MACROD2: variants seen among roughly 807,000 people sequenced by gnomAD.
MACROD2 encodes ADP-ribose glycohydrolase MACROD2.
In MACROD2, 36 loss-of-function variants were observed where a neutral mutation model predicts 70.4. The observed-to-expected ratio is 0.51, with a 90% CI of 0.39 to 0.68. MACROD2 has a LOEUF of 0.68. MACROD2 is among the 30% of genes least tolerant of loss of function. The probability of loss-of-function intolerance (pLI) is 0.00; values close to 1 mark genes in which losing one functional copy is unlikely to be tolerated. For missense variants in MACROD2, 496 were observed against 538.4 expected, an observed-to-expected ratio of 0.92 and a Z score of 0.78; for synonymous variants, 172 against 178.8, an observed-to-expected ratio of 0.96 and a Z score of 0.30.
intron 3 of MACROD2, among the ~76,000 whole-genome samples, chr20:14,382,932 CAAAT>C (rs1343144642): frequency 2.0e-5 from 3 of 151,972 alleles, no homozygotes; most frequent in Non-Finnish European, 2.9e-5. Flanking sequence ...CAATATTTTC[CAAAT>C]AAATATGTAA....
At chr20:15,502,346 G>T (rs1234793590) in intron 8 of MACROD2, among the ~76,000 whole-genome samples, 1 of 152,142 alleles carries the variant, frequency 6.6e-6, no homozygotes, top group Non-Finnish European at 1.5e-5. Context: ...CTCACTGCTT[G>T]CTAGCAATGA....
intron 3 of MACROD2, among the ~76,000 whole-genome samples, chr20:14,307,751 TTTTCTAA>T (rs2082533175): frequency 6.6e-6 from 1 of 152,148 alleles, no homozygotes; most frequent in Non-Finnish European, 1.5e-5. Flanking sequence ...CAGACAAATT[TTTTCTAA>T]TTTAGCTTTA....
intron 2 of MACROD2, among the ~76,000 whole-genome samples, chr20:14,036,989 C>A (rs549939082): frequency 6.6e-6 from 1 of 152,292 alleles, no homozygotes; most frequent in East Asian, 1.9e-4. Flanking sequence ...AAAAATAAAA[C>A]GTTTTTAAAC....
intron 5 of MACROD2, among the ~76,000 whole-genome samples, chr20:15,041,235 T>A (rs2123027086): frequency 6.6e-6 from 1 of 152,262 alleles, no homozygotes; most frequent in South Asian, 2.1e-4. Context: ...CGTGACAAAT[T>A]TTTGTTTGTA....
At chr20:14,329,497 C>G (rs2082795741) in intron 3 of MACROD2, among the ~76,000 whole-genome samples, 1 of 151,948 alleles carries the variant, frequency 6.6e-6, no homozygotes, top group Admixed American at 6.6e-5. Context: ...TTTTCTTATA[C>G]AAATAAAGTA....
In MACROD2 at chr20:15,704,140, GTTTATTTATTTA is replaced by G. The variant is rs145830062; in HGVS notation, c.646-158588_646-158577del. Among the ~76,000 whole-genome samples, 385 of 151,110 alleles carry G rather than the reference GTTTATTTATTTA, an allele frequency of 2.5e-3. 4 individuals carry two copies. Among genetic ancestry groups the G allele is most frequent in the Admixed American group, 3.4e-3 (51 of 15,208 alleles). On this transcript the variant is annotated intron_variant, in intron 8 of 17. Transcript: ENST00000684519. ...GTTTTCCTATTTGAAATGTTTGTTT[GTTTATTTATTTA>G]TTTATTTATTTATTTAATTTCCTAA...
At chr20:14,813,324 T>C (rs2072736486) in intron 5 of MACROD2, among the ~76,000 whole-genome samples, 4 of 152,012 alleles carry the variant, frequency 2.6e-5, no homozygotes, top group Middle Eastern at 3.4e-3. Flanking sequence ...ATTATCTGTT[T>C]ATCCTGATGC....
intron 8 of MACROD2, among the ~76,000 whole-genome samples, chr20:15,590,496 T>C (rs1600639312): frequency 6.6e-6 from 1 of 152,224 alleles, no homozygotes; most frequent in East Asian, 1.9e-4. Flanking sequence ...TATGTGTACT[T>C]TCTGCTCATC....
intron 5 of MACROD2, among the ~76,000 whole-genome samples, chr20:15,029,687 CA>C (rs1473002320): frequency 1.3e-5 from 2 of 152,110 alleles, no homozygotes; most frequent in Non-Finnish European, 2.9e-5. Flanking sequence ...AGTTTATGTA[CA>C]AAAACTCATC....
chr20:14,236,971 T>G (rs2081880003), intron 3 of MACROD2, among the ~76,000 whole-genome samples: 1 of 152,194 alleles, frequency 6.6e-6, no homozygotes, highest in Non-Finnish European at 1.5e-5. Flanking sequence ...AAACTGTTAA[T>G]TTTTGTATGT....
chr20:15,870,859 C>A (rs1257637209), intron 9 of MACROD2, among the ~76,000 whole-genome samples: 1 of 152,110 alleles, frequency 6.6e-6, no homozygotes, highest in African/African-American at 2.4e-5. Context: ...AAGGGTATAG[C>A]ACTGCTTTTT....
At chr20:15,436,520 G>A (rs2046429964) in intron 7 of MACROD2, among the ~76,000 whole-genome samples, 1 of 151,374 alleles carries the variant, frequency 6.6e-6, no homozygotes, top group Non-Finnish European at 1.5e-5. Flanking sequence ...TTTGGGTGGG[G>A]ACACAGAGCC....
intron 15 of MACROD2, among the ~76,000 whole-genome samples, chr20:16,022,509 T>C (rs1043118284): frequency 6.6e-6 from 1 of 152,208 alleles, no homozygotes; most frequent in African/African-American, 2.4e-5. Context: ...AGCTTTTACA[T>C]GTACAAGAAT....
At chr20:14,242,896 T>G (rs186605595) in intron 3 of MACROD2, among the ~76,000 whole-genome samples, 31 of 152,330 alleles carry the variant, frequency 2.0e-4, no homozygotes, top group Non-Finnish European at 4.0e-4. Context: ...TCTAAACTAT[T>G]TTATTAATTT....
intron 6 of MACROD2, among the ~76,000 whole-genome samples, chr20:15,289,790 C>A (rs1403335951): frequency 1.3e-5 from 2 of 152,200 alleles, no homozygotes; most frequent in African/African-American, 4.8e-5. Context: ...GACTTTCTGG[C>A]TCACTCACTC....
intron 10 of MACROD2, among the ~76,000 whole-genome samples, chr20:15,905,567 T>C (rs2065134566): frequency 6.6e-6 from 1 of 152,236 alleles, no homozygotes; most frequent in Non-Finnish European, 1.5e-5. Context: ...TTGTTTTCAA[T>C]GTTGACACCA....
intron 8 of MACROD2, among the ~76,000 whole-genome samples, chr20:15,859,411 A>C (rs759471475): frequency 3.3e-5 from 5 of 152,196 alleles, no homozygotes; most frequent in Non-Finnish European, 7.3e-5. Context: ...GGGGAGTATC[A>C]TTATTACACT....
chr20:14,099,816 C>T (rs1228946006), intron 3 of MACROD2, among the ~76,000 whole-genome samples: 1 of 152,052 alleles, frequency 6.6e-6, no homozygotes, highest in South Asian at 2.1e-4. Flanking sequence ...TCCTTGTCAA[C>T]ATTTATTTTC....
chr20:15,733,482 A>G (rs1184258582), intron 8 of MACROD2, among the ~76,000 whole-genome samples: 1 of 152,154 alleles, frequency 6.6e-6, no homozygotes, highest in Non-Finnish European at 1.5e-5. Context: ...TAAAATATGC[A>G]TTAAAGGCTA....
Sources: allele counts gnomAD v4.1 joint callset (sites outside exome capture counted in the v4.1 genomes callset), GRCh38; gene constraint gnomAD v4.1.1; transcripts MANE v1.5; gene names NCBI Gene and HGNC (gene_info 2026-07-23, HGNC 2026-07-21).